Variants in ZFPM2 observed in about 807,000 individuals in gnomAD.
ZFPM2 encodes the protein zinc finger protein, FOG family member 2, also known as zinc finger protein ZFPM2.
Under a neutral mutation model 98.6 loss-of-function variants are expected in ZFPM2, and 20 were observed. The ratio of observed to expected loss-of-function variants is 0.20; its 90% CI spans 0.14 to 0.29. ZFPM2 has a LOEUF of 0.29. Among genes scored for constraint, ZFPM2 ranks in the 10% least tolerant of loss-of-function variants. ZFPM2 has a pLI of 1.00. For synonymous variants in ZFPM2, 518 were observed against 502.7 expected, an observed-to-expected ratio of 1.03 and a Z score of -0.41; for missense variants, 1,310 against 1,388.6, an observed-to-expected ratio of 0.94 and a Z score of 0.90.
At chr8:105,330,601 T>TAC (rs1812206699) in intron 1 of ZFPM2, among the ~76,000 whole-genome samples, 1 of 27,206 alleles carries the variant, frequency 3.7e-5, no homozygotes, top group Admixed American at 5.1e-4. Context: ...TATACATATA[T>TAC]ATATATATAC....
intron 3 of ZFPM2, among the ~76,000 whole-genome samples, chr8:105,480,953 T>A (rs1051867065): frequency 3.3e-5 from 5 of 152,098 alleles, no homozygotes; most frequent in African/African-American, 9.7e-5. Flanking sequence ...GGTTTCACTG[T>A]GTTAGCCAAG....
intron 3 of ZFPM2, among the ~76,000 whole-genome samples, chr8:105,499,130 C>T (rs74357444): frequency 0.012 from 1,900 of 152,110 alleles, 46 homozygotes; most frequent in African/African-American, 0.042. Flanking sequence ...TGTTCCCCAC[C>T]CTTAGCCCTT....
At chr8:105,789,997 A>T (rs981952879) in intron 6 of ZFPM2, among the ~76,000 whole-genome samples, 1 of 151,856 alleles carries the variant, frequency 6.6e-6, no homozygotes, top group African/African-American at 2.4e-5. Flanking sequence ...CCTTTGTCAG[A>T]TGAGTAGCTT....
At chr8:105,527,632 TTGTAAAAC>T (rs1303974509) in intron 3 of ZFPM2, among the ~76,000 whole-genome samples, 4 of 152,200 alleles carry the variant, frequency 2.6e-5, no homozygotes, top group Non-Finnish European at 4.4e-5. Flanking sequence ...TGTTACAGGC[TTGTAAAAC>T]TGGGATTTTA....
At chr8:105,674,209 A>C (rs1817648186) in intron 5 of ZFPM2, among the ~76,000 whole-genome samples, 1 of 152,216 alleles carries the variant, frequency 6.6e-6, no homozygotes, top group East Asian at 1.9e-4. Context: ...CTCTTTTATT[A>C]CTAGAGCCAA....
chr8:105,575,984 T>C (rs117775471), intron 4 of ZFPM2, among the ~76,000 whole-genome samples: 2 of 152,306 alleles, frequency 1.3e-5, no homozygotes, highest in East Asian at 3.9e-4. Flanking sequence ...TTACTCTGCA[T>C]TTAAAAAATA....
intron 1 of ZFPM2, among the ~76,000 whole-genome samples, chr8:105,360,720 G>A (rs1486286138): frequency 3.4e-5 from 5 of 147,122 alleles, no homozygotes; most frequent in African/African-American, 7.6e-5. Context: ...GAGAATATGC[G>A]GTGTTTGGTT....
intron 1 of ZFPM2, among the ~76,000 whole-genome samples, chr8:105,322,167 G>A (rs1311870866): frequency 6.6e-6 from 1 of 152,048 alleles, no homozygotes; most frequent in African/African-American, 2.4e-5. Context: ...ACAGCTGCTC[G>A]CTGTTGTTGT....
chr8:105,523,622 T>C (rs1233480732), intron 3 of ZFPM2, among the ~76,000 whole-genome samples: 1 of 152,208 alleles, frequency 6.6e-6, no homozygotes, highest in Non-Finnish European at 1.5e-5. Context: ...TCTGCTCTAT[T>C]GCATCTGTCA....
chr8:105,444,494 T>TA, intron 3 of ZFPM2, 113 bp downstream of exon 3: 1 of 592,922 alleles, frequency 1.7e-6, no homozygotes, highest in South Asian at 2.8e-5. Flanking sequence ...GTGTGCTGGT[T>TA]ACATGAGAGT....
chr8:105,474,317 C>G (rs1812971184), intron 3 of ZFPM2, among the ~76,000 whole-genome samples: 1 of 152,124 alleles, frequency 6.6e-6, no homozygotes, highest in Non-Finnish European at 1.5e-5. Context: ...ATTTTCAATC[C>G]AGCTACAACT....
intron 2 of ZFPM2, among the ~76,000 whole-genome samples, chr8:105,422,093 C>T (rs775402240): frequency 7.5e-6 from 1 of 134,202 alleles, no homozygotes; most frequent in South Asian, 2.6e-4. Context: ...AAATGGTTAA[C>T]AATGCCAGTG....
Position 105,716,008 on chromosome 8 carries a change from A to G in ZFPM2, c.533-72710A>G, listed in dbSNP as rs142589882. 1.8e-3 allele frequency among the ~76,000 whole-genome samples: 281 copies of G among 152,144 alleles called. 1 individual carries two copies. The highest frequency in any genetic ancestry group is 6.5e-3 in the African/African-American group (270 of 41,568). ...ACAATCAGGTGCCATAATCTGAAAT[A>G]AAGTGCCACATTGAAGGACAGATAC... On this transcript the variant is annotated intron_variant, in intron 5 of 7. Transcript: ENST00000407775.
At chr8:105,350,238 A>G (rs1812614981) in intron 1 of ZFPM2, among the ~76,000 whole-genome samples, 1 of 152,194 alleles carries the variant, frequency 6.6e-6, no homozygotes, top group Non-Finnish European at 1.5e-5. Flanking sequence ...TAATTTGCCC[A>G]GAGGCTAAAG....
intron 3 of ZFPM2, among the ~76,000 whole-genome samples, chr8:105,541,448 A>T (rs1207462446): frequency 2.6e-5 from 4 of 152,158 alleles, no homozygotes; most frequent in African/African-American, 9.7e-5. Flanking sequence ...AAATATCATG[A>T]ATATCCTGGA....
At chr8:105,602,006 T>G (rs1816102787) in intron 4 of ZFPM2, among the ~76,000 whole-genome samples, 1 of 152,098 alleles carries the variant, frequency 6.6e-6, no homozygotes, top group South Asian at 2.1e-4. Context: ...TTCTCCAAGT[T>G]GGCTTCATTC....
At chr8:105,387,654 T>TTCCTGTGCGCAGCCGCGGG in intron 1 of ZFPM2, 1 of 154,738 alleles carries the variant, frequency 6.5e-6, no homozygotes, top group Non-Finnish European at 1.4e-5. Flanking sequence ...GCAGCCGCGG[T>TTCCTGTGCGCAGCCGCGGG]TCCTGCCCGC....
chr8:105,354,237 A>G (rs891819390), intron 1 of ZFPM2, among the ~76,000 whole-genome samples: 5 of 152,262 alleles, frequency 3.3e-5, no homozygotes, highest in African/African-American at 1.2e-4. Context: ...CACTGAAATC[A>G]GCAGTAGAAC....
chr8:105,715,213 A>G (rs1427661898), intron 5 of ZFPM2, among the ~76,000 whole-genome samples: 1 of 152,080 alleles, frequency 6.6e-6, no homozygotes, highest in Non-Finnish European at 1.5e-5. Flanking sequence ...AAGCTGGGCA[A>G]GATGACAAGA....
Sources: gnomAD v4.1 joint callset for allele counts (sites outside exome capture counted in the v4.1 genomes callset) on GRCh38, gnomAD v4.1.1 for gene constraint, MANE v1.5 for transcripts, NCBI Gene and HGNC (gene_info 2026-07-23, HGNC 2026-07-21) for gene names.